Variants in TMEM87B observed in about 807,000 individuals in gnomAD.
The protein encoded by TMEM87B is transmembrane protein 87B.
In TMEM87B, 83 loss-of-function variants were observed where a neutral mutation model predicts 80.3. The ratio of observed to expected loss-of-function variants is 1.03; its 90% CI spans 0.87 to 1.24. The LOEUF is 1.24. Ranked by LOEUF, TMEM87B falls within the 50% of genes most tolerant of loss-of-function variation. The pLI is 0.00. For missense variants in TMEM87B, 625 were observed against 674.4 expected (o/e 0.93, Z 0.81); for synonymous variants, 219 against 230.5 (o/e 0.95, Z 0.45).
intron 2 of TMEM87B, 37 bp from the exon 3 acceptor site, chr2:112,064,122 GTAT>G: frequency 6.5e-7 from 1 of 1,537,916 alleles, no homozygotes; most frequent in Non-Finnish European, 9.0e-7. Flanking sequence ...TAGAGTGTAT[GTAT>G]TATTCATGTA....
chr2:112,069,162 G>A (rs556972544), intron 4 of TMEM87B, among the ~76,000 whole-genome samples: 50 of 138,020 alleles, frequency 3.6e-4, no homozygotes, highest in African/African-American at 1.3e-3. Context: ...ACTGCAGTCC[G>A]CAGTCTGGCC....
intron 18 of TMEM87B, among the ~76,000 whole-genome samples, chr2:112,115,470 A>G (rs111677402): frequency 0.021 from 3,050 of 141,874 alleles, 284 homozygotes; most frequent in African/African-American, 0.056. Context: ...AGCATTACAG[A>G]AAGATTCATA....
chr2:112,061,268 C>G (rs1182717118), intron 2 of TMEM87B, among the ~76,000 whole-genome samples: 1 of 152,160 alleles, frequency 6.6e-6, no homozygotes, highest in African/African-American at 2.4e-5. Context: ...AGTAACCTAA[C>G]TAGGAAAATT....
In TMEM87B at chr2:112,081,038, C is replaced by G; in HGVS notation, c.593-19C>G. On this transcript the variant is annotated intron_variant, in intron 6 of 18. Coordinates refer to ENST00000283206, the MANE Select transcript of TMEM87B (RefSeq NM_032824.3). Reference sequence around the variant, plus strand: ...TTAAGACTGACTGTTAATTAACTCTCTCTTCTTCTCTATCCTAGTTTCTCT... The same window carrying G: ...TTAAGACTGACTGTTAATTAACTCTGTCTTCTTCTCTATCCTAGTTTCTCT... 6.2e-7 allele frequency: 1 copy of G among 1,603,930 alleles called. No homozygotes were observed.
In TMEM87B at chr2:112,091,799, T is replaced by C. The variant is rs746968337; in HGVS notation, c.1104+16T>C. The C allele has an allele frequency of 3.8e-6, 6 of 1,558,578 alleles. No individual in the cohort carries two copies. In the South Asian group the frequency reaches 6.9e-5, roughly 18 times the overall value. Reference sequence around the variant, plus strand: ...TGTGTGGTTCATATCCTTTACTGTGTCCTTCAAAATAGTTTGTTGTATCAT... The same window carrying C: ...TGTGTGGTTCATATCCTTTACTGTGCCCTTCAAAATAGTTTGTTGTATCAT... On this transcript the variant is annotated intron_variant, in intron 11 of 18. Coordinates refer to ENST00000283206, the MANE Select transcript of TMEM87B (RefSeq NM_032824.3).
At chr2:112,077,146 G>A (rs755492910) in intron 5 of TMEM87B, 46 bp from the exon 6 acceptor site, 4 of 1,014,770 alleles carry the variant, frequency 3.9e-6, no homozygotes, top group African/African-American at 1.6e-5. Context: ...ATATTACATA[G>A]CAATTTGTTA....
chr2:112,097,152 G>C lies in TMEM87B; in HGVS notation c.1213G>C (p.Ala405Pro). The change falls in exon 12 of 19, where the codon GCT (alanine) becomes CCT (proline). Residue 405 changes from alanine (A) to proline (P), a missense_variant and splice_region_variant. By Grantham distance (27) the Ala-to-Pro change is conservative (BLOSUM62 -1). Transcript: ENST00000283206. The part of the protein sequence containing the change: ...FKNTLIFAVL[A>P]SIVFMGWTTK... ...AAATACTCTGATCTTTGCTGTGCTG[G>C]GTAAGCTATTTAATTTTTCTTACAG... The C allele has an allele frequency of 6.3e-7, 1 of 1,595,152 alleles. No individual in the cohort carries two copies. The highest frequency in any genetic ancestry group is 8.5e-7 in the Non-Finnish European group (1 of 1,173,360).
chr2:112,063,829 G>T (rs1466919435), intron 2 of TMEM87B, among the ~76,000 whole-genome samples: 1 of 152,218 alleles, frequency 6.6e-6, no homozygotes, highest in Non-Finnish European at 1.5e-5. Flanking sequence ...TGGCACACAG[G>T]ATGGGGCTCA....
rs555094122 is a variant in TMEM87B, at chr2:112,066,376, A to G, written c.319-560A>G. 9.9e-5 allele frequency among the ~76,000 whole-genome samples: 15 copies of G among 152,104 alleles called. No homozygotes were observed. In the South Asian group the frequency reaches 3.1e-3, roughly 32 times the overall value. On this transcript the variant is annotated intron_variant, in intron 3 of 18. Transcript: ENST00000283206. ...TACTGTTTTTATATATTTTGCTCAT[A>G]TTGTCCCATATTTGGTCTGTGGGAG...
chr2:112,112,774 C>T lies in TMEM87B; in HGVS notation c.1578-125C>T, dbSNP rs917483004. On this transcript the variant is annotated intron_variant, in intron 17 of 18. Transcript: ENST00000283206. ...TGTCTGCGAGCCTAGATGCTCCCTTCTGTCACCTGTGGATACCCAGGAGTG... is the reference window on the plus strand; with the variant it reads ...TGTCTGCGAGCCTAGATGCTCCCTTTTGTCACCTGTGGATACCCAGGAGTG... 4.6e-6 allele frequency: 4 copies of T among 864,928 alleles called. No individual in the cohort carries two copies. The African/African-American group carries it at 6.8e-5, about 15-fold the overall frequency. The allele number at this position is 864,928 out of a possible 1,614,324, so 53.6% of individuals were successfully genotyped here. A position where few individuals can be genotyped will look rare whatever the true frequency, so the allele number is the denominator to read the frequency against.
intron 17 of TMEM87B, 71 bp from the exon 18 acceptor site, chr2:112,112,828 T>C (rs1573732715): frequency 7.0e-7 from 1 of 1,424,670 alleles, no homozygotes. Context: ...CATGTGCCTG[T>C]ATTCGGCTTT....
rs1363098280 is a variant in TMEM87B, at chr2:112,055,688, C to T, written c.97C>T (p.Leu33=). Residue 33 remains leucine (L), a synonymous_variant, in exon 1 of 19, where the codon CTG becomes TTG. Coordinates refer to ENST00000283206, the MANE Select transcript of TMEM87B (RefSeq NM_032824.3). ...GCTGCTGCGCGTCGCCCTCTGCCTC[C>T]TGTGCTGGACCCCGGCGGCTGTGCG... is the stretch of plus-strand genomic sequence containing the variant. ...APLLRVALCL[L]CWTPAAVRAV... 1.3e-6 allele frequency: 2 copies of T among 1,565,864 alleles called. No homozygotes were observed. The highest frequency in any genetic ancestry group is 1.9e-5 in the Admixed American group (1 of 51,932).
chr2:112,112,647 G>A (rs1406426295), intron 17 of TMEM87B, among the ~76,000 whole-genome samples: 1 of 152,204 alleles, frequency 6.6e-6, no homozygotes. Context: ...TTGCTTTGCT[G>A]TATAGTATTC....
chr2:112,099,318 A>G (rs1356004003), intron 14 of TMEM87B, among the ~76,000 whole-genome samples: 2 of 152,118 alleles, frequency 1.3e-5, no homozygotes, highest in East Asian at 1.9e-4. Context: ...GAGCACGGAC[A>G]GGATACTCAA....
At chr2:112,069,302 C>G (rs1301683663) in intron 4 of TMEM87B, among the ~76,000 whole-genome samples, 1 of 151,342 alleles carries the variant, frequency 6.6e-6, no homozygotes, top group African/African-American at 2.4e-5. Flanking sequence ...ATTTTTTCTG[C>G]TCCTCTACCT....
chr2:112,105,926 C>A, intron 15 of TMEM87B, 76 bp from the exon 16 acceptor site: 1 of 1,047,574 alleles, frequency 9.5e-7, no homozygotes, highest in Non-Finnish European at 1.3e-6. Context: ...AGTATTTTTT[C>A]TTATCAGATT....
chr2:112,099,558 A>ATATATATATATATATATG (rs1558847662), intron 14 of TMEM87B, among the ~76,000 whole-genome samples: 1 of 44,900 alleles, frequency 2.2e-5, no homozygotes, highest in African/African-American at 1.4e-4. Context: ...ATATATATAC[A>ATATATATATATATATATG]CACACACACG....
intron 8 of TMEM87B, among the ~76,000 whole-genome samples, chr2:112,085,445 C>T (rs758043118): frequency 4.6e-5 from 7 of 152,150 alleles, no homozygotes; most frequent in Non-Finnish European, 8.8e-5. Context: ...CTAGTTCCCC[C>T]AGGTGTAGAT....
At chr2:112,079,123 A>G (rs1662620306) in intron 6 of TMEM87B, among the ~76,000 whole-genome samples, 1 of 152,232 alleles carries the variant, frequency 6.6e-6, no homozygotes. Context: ...TTGTGGTGAG[A>G]ACATTTGAAA....
Sources: gnomAD v4.1 joint callset for allele counts (sites outside exome capture counted in the v4.1 genomes callset) on GRCh38, gnomAD v4.1.1 for gene constraint, MANE v1.5 for transcripts, NCBI Gene and HGNC (gene_info 2026-07-23, HGNC 2026-07-21) for gene names.